Variants in NUP188 observed in about 807,000 individuals in gnomAD.
The protein encoded by NUP188 is nucleoporin NUP188.
Under a neutral mutation model 223.0 loss-of-function variants are expected in NUP188, and 97 were observed. The ratio of observed to expected loss-of-function variants is 0.43; its 90% CI spans 0.37 to 0.51. NUP188 has a LOEUF of 0.51. NUP188 is among the 20% of genes least tolerant of loss of function. The pLI is 0.00. For missense variants in NUP188, 1,947 were observed against 2,175.6 expected, an observed-to-expected ratio of 0.89 and a Z score of 2.09; for synonymous variants, 869 against 828.0, an observed-to-expected ratio of 1.05 and a Z score of -0.85.
chr9:128,961,940 C>CTT (rs538615257), intron 8 of NUP188, among the ~76,000 whole-genome samples: 4 of 106,722 alleles, frequency 3.7e-5, no homozygotes, highest in African/African-American at 3.5e-5. Flanking sequence ...ATACCATACT[C>CTT]TTTTTTTTTT....
intron 8 of NUP188, among the ~76,000 whole-genome samples, chr9:128,960,930 C>G (rs1841939233): frequency 6.6e-6 from 1 of 151,810 alleles, no homozygotes; most frequent in African/African-American, 2.4e-5. Context: ...ACTAAAAATA[C>G]AAAAATTAGG....
intron 31 of NUP188, 34 bp downstream of exon 31, chr9:128,998,262 AG>A (rs765611007): frequency 7.7e-6 from 12 of 1,565,704 alleles, no homozygotes; most frequent in Non-Finnish European, 7.9e-6. Flanking sequence ...CATTTCTCCC[AG>A]GGAGGTTGTC....
intron 17 of NUP188, 61 bp downstream of exon 17, chr9:128,983,089 G>T: frequency 6.2e-7 from 1 of 1,600,688 alleles, no homozygotes. Flanking sequence ...TGTGCCCTCA[G>T]TTTGCAGGAA....
intron 43 of NUP188, 46 bp downstream of exon 43, chr9:129,006,414 G>C: frequency 6.2e-7 from 1 of 1,613,624 alleles, no homozygotes; most frequent in Non-Finnish European, 8.5e-7. Flanking sequence ...TAGGGCCAGA[G>C]CCCTGTGGGG....
chr9:128,994,403 G>A lies in NUP188; in HGVS notation c.3048G>A (p.Pro1016=), dbSNP rs760228021. Residue 1016 remains proline (P), a synonymous_variant, in exon 28 of 44, where the codon CCG becomes CCA. Transcript: ENST00000372577. ...KPKFWENLTS[P]LFGTLSPPSE... ...AGTTTTGGGAAAATTTAACCAGTCC[G>A]CTGTTTGGAACCCTTTCTCCTCCCT... is the stretch of plus-strand genomic sequence containing the variant. The A allele has an allele frequency of 7.4e-6, 12 of 1,613,366 alleles. No homozygotes were observed. Among genetic ancestry groups the A allele is most frequent in the Admixed American group, 3.3e-5 (2 of 59,980 alleles).
chr9:128,986,437 G>A, intron 20 of NUP188, 121 bp from the exon 21 acceptor site: 2 of 1,019,600 alleles, frequency 2.0e-6, no homozygotes, highest in Non-Finnish European at 2.8e-6. Context: ...TTTTTTCATT[G>A]ATGACCAAGG....
Position 128,990,055 on chromosome 9 carries a change from G to C in NUP188, c.2534-65G>C. 3 of 1,250,844 alleles carry C rather than the reference G, an allele frequency of 2.4e-6. No individual in the cohort carries two copies. In the South Asian group the frequency reaches 3.6e-5, roughly 15 times the overall value. The allele number at this position is 1,250,844 out of a possible 1,614,324, so 77.5% of individuals were successfully genotyped here. ...ACACACTGTGGGTCTTTTTTGAACAGTCAGTGCTCTAAGGACTTGAATTAG... is the reference window on the plus strand; with the variant it reads ...ACACACTGTGGGTCTTTTTTGAACACTCAGTGCTCTAAGGACTTGAATTAG... On this transcript the variant is annotated intron_variant, in intron 24 of 43. Coordinates refer to ENST00000372577, the MANE Select transcript of NUP188 (RefSeq NM_015354.3).
chr9:128,991,128 C>G (rs1049920750), intron 25 of NUP188, among the ~76,000 whole-genome samples: 7 of 150,728 alleles, frequency 4.6e-5, no homozygotes, highest in Non-Finnish European at 8.8e-5. Context: ...CCAAGAATCC[C>G]TATGGGCAGG....
chr9:128,995,680 G>C (rs1320725289), intron 30 of NUP188, among the ~76,000 whole-genome samples, 166 bp downstream of exon 30: 1 of 152,216 alleles, frequency 6.6e-6, no homozygotes, highest in East Asian at 1.9e-4. Context: ...TGGGGTATTT[G>C]AGGGTGTTGG....
At position 129,006,235 on chromosome 9, in the gene NUP188, C is replaced by T. The variant is rs1030408102; in HGVS notation, c.4944-4C>T. ...CAGTACCAAAAACCTGTGTCTCCTCCCAGGTCCCTCCTGATGTTTACCATG... is the reference window on the plus strand; with the variant it reads ...CAGTACCAAAAACCTGTGTCTCCTCTCAGGTCCCTCCTGATGTTTACCATG... On this transcript the variant is annotated splice_region_variant and splice_polypyrimidine_tract_variant and intron_variant, in intron 42 of 43. Transcript: ENST00000372577. 5 of 1,614,054 alleles carry T rather than the reference C, an allele frequency of 3.1e-6. No homozygotes were observed. The highest frequency in any genetic ancestry group is 2.7e-5 in the African/African-American group (2 of 74,932).
In NUP188 at chr9:129,006,339, C is replaced by A. The variant is rs756734865; in HGVS notation, c.5044C>A (p.Arg1682=). The change falls in exon 43 of 44, where the codon CGG becomes AGG. Residue 1682 remains arginine, a synonymous_variant. Transcript: ENST00000372577. ...GGCTGTGCACCCCCGGGACAAACAG[C>A]GGATGAAGCAGGAGCTCAGCTCTGA... The part of the protein sequence containing the change: ...DPAVHPRDKQ[R]MKQELSSELS... 6.2e-7 allele frequency: 1 copy of A among 1,614,062 alleles called. No individual in the cohort carries two copies. Among genetic ancestry groups the A allele is most frequent in the African/African-American group, 1.3e-5 (1 of 74,928 alleles).
At chr9:128,952,654 C>T (rs543116428) in intron 2 of NUP188, 119 bp from the exon 3 acceptor site, 40 of 682,126 alleles carry the variant, frequency 5.9e-5, no homozygotes, top group South Asian at 3.8e-4. Flanking sequence ...ACCTGGGAGG[C>T]GGAGGTTGCA....
rs148180643 is a variant in NUP188, at chr9:128,981,771, CAT to C, written c.1516+385_1516+386del. ...TCTTTGCACTCAAGTGATTTTCAGA[CAT>C]ATAGAAAGAGTCACTTGTCGGCCAG... is the stretch of plus-strand genomic sequence containing the variant. On this transcript the variant is annotated intron_variant, in intron 15 of 43. Transcript: ENST00000372577. Among the ~76,000 whole-genome samples, 507 of 152,186 alleles carry C rather than the reference CAT, an allele frequency of 3.3e-3. 1 individual carries two copies. Among genetic ancestry groups the C allele is most frequent in the African/African-American group, 0.012 (496 of 41,512 alleles).
rs186086564 is a variant in NUP188, at chr9:128,986,436, T to C, written c.2077-122T>C. The C allele has an allele frequency of 3.2e-3, 3,266 of 1,034,774 alleles. 23 individuals are homozygous for C. The highest frequency in any genetic ancestry group is 2.9e-3 in the South Asian group (159 of 55,472). 64.1% of individuals were successfully genotyped at this position (1,034,774 alleles called of 1,614,324 possible). On this transcript the variant is annotated intron_variant, in intron 20 of 43. Transcript: ENST00000372577. ...ACTTTTGATGTTTCTTTTTTTTCAT[T>C]GATGACCAAGGTTTGCCTAGATTTC...
intron 11 of NUP188, among the ~76,000 whole-genome samples, chr9:128,972,246 A>G (rs530855167): frequency 2.0e-5 from 3 of 152,368 alleles, no homozygotes; most frequent in East Asian, 1.9e-4. Flanking sequence ...CATCTAGATG[A>G]TGGAATATTT....
chr9:128,949,494 G>A (rs1402269993), intron 2 of NUP188, among the ~76,000 whole-genome samples: 1 of 151,610 alleles, frequency 6.6e-6, no homozygotes, highest in Non-Finnish European at 1.5e-5. Flanking sequence ...CACCACGCCC[G>A]ACTAATTTTG....
chr9:128,992,082 AT>A (rs113906043), intron 25 of NUP188, among the ~76,000 whole-genome samples: 17 of 149,560 alleles, frequency 1.1e-4, no homozygotes, highest in Admixed American at 8.0e-4. Flanking sequence ...AATTTTTTGT[AT>A]TTTTTTTAGT....
chr9:128,973,531 C>T (rs571788835), intron 12 of NUP188, among the ~76,000 whole-genome samples: 12 of 151,838 alleles, frequency 7.9e-5, no homozygotes, highest in South Asian at 2.1e-4. Context: ...TACAGGCGTC[C>T]GCCACCTTGC....
chr9:129,001,727 C>T lies in NUP188; in HGVS notation c.4042C>T (p.Gln1348Ter). 6.2e-7 allele frequency: 1 copy of T among 1,613,262 alleles called. No individual in the cohort carries two copies. The highest frequency in any genetic ancestry group is 8.5e-7 in the Non-Finnish European group (1 of 1,179,738). The change falls in exon 35 of 44, where the codon CAG becomes TAG. Residue 1348 changes from glutamine (Q) to a stop codon, truncating the protein, a stop_gained and splice_region_variant. Coordinates refer to ENST00000372577, the MANE Select transcript of NUP188 (RefSeq NM_015354.3). LOFTEE classifies it high-confidence loss of function. ...GCTCCTCACCCTGGCTCGCACTCAG[C>T]AGGTAGGAGGCCAGCCCGAAGGCAG... ...HLLLTLARTQ[Q>*]GATAVAGAGI...
Sources: gnomAD v4.1 joint callset for allele counts (sites outside exome capture counted in the v4.1 genomes callset) on GRCh38, gnomAD v4.1.1 for gene constraint, MANE v1.5 for transcripts, NCBI Gene and HGNC (gene_info 2026-07-23, HGNC 2026-07-21) for gene names.